Variants in CNBD1 observed in about 807,000 individuals in gnomAD.
CNBD1 encodes the protein cyclic nucleotide-binding domain-containing protein 1.
CNBD1 carries 71 observed loss-of-function variants against 54.4 expected under a neutral mutation model. The ratio of observed to expected loss-of-function variants is 1.30; its 90% CI spans 1.08 to 1.59. The LOEUF is 1.59. CNBD1 is among the 40% of genes most tolerant of loss of function. CNBD1 has a pLI of 0.00. For synonymous variants in CNBD1, 182 were observed against 170.7 expected (o/e 1.07, Z -0.51); for missense variants, 659 against 518.0 (o/e 1.27, Z -2.64).
chr8:87,202,129 T>C (rs146810365), intron 4 of CNBD1, among the ~76,000 whole-genome samples: 86 of 152,244 alleles, frequency 5.6e-4, no homozygotes, highest in African/African-American at 1.8e-3. Context: ...GAAGGAAAAT[T>C]TTCAGAAGGA....
rs768557448 is a variant in CNBD1 at position 86,919,020 on chromosome 8, CT to C, written c.272+13836del. Among the ~76,000 whole-genome samples the C allele has an allele frequency of 3.8e-4, 57 of 149,226 alleles. No individual in the cohort carries two copies. In the East Asian group the frequency reaches 3.9e-3, roughly 10 times the overall value. The stretch of plus-strand genomic sequence containing the variant: ...ATTTTCTGTTTCTGAAAATATCATG[CT>C]TTTTTTTTTAAAAAAAAAGAGAAAG... On this transcript the variant is annotated intron_variant, in intron 3 of 10. Transcript: ENST00000518476.
At chr8:87,030,864 C>CTCTCCTCCCCTCTCCTCCT (rs1809769210) in intron 4 of CNBD1, among the ~76,000 whole-genome samples, 2 of 114,586 alleles carry the variant, frequency 1.7e-5, no homozygotes, top group African/African-American at 6.8e-5. Flanking sequence ...CCTCTCCTCC[C>CTCTCCTCCCCTCTCCTCCT]TCTCCTCCCC....
At chr8:87,088,287 AC>A (rs1190853431) in intron 4 of CNBD1, among the ~76,000 whole-genome samples, 4 of 152,236 alleles carry the variant, frequency 2.6e-5, no homozygotes, top group Admixed American at 6.5e-5. Flanking sequence ...ACTCAATTGG[AC>A]CCTCTTGGCA....
intron 6 of CNBD1, among the ~76,000 whole-genome samples, chr8:87,255,373 T>C (rs1252315354): frequency 2.0e-5 from 3 of 152,102 alleles, no homozygotes; most frequent in Non-Finnish European, 2.9e-5. Context: ...TTACTGTTAA[T>C]AGCCTGATAA....
intron 4 of CNBD1, among the ~76,000 whole-genome samples, chr8:86,949,957 T>TG (rs1554633441): frequency 0.024 from 2,946 of 122,056 alleles, 490 homozygotes; most frequent in Non-Finnish European, 0.035. Context: ...CTTTTTTTTT[T>TG]TTTTTTTTTT....
At chr8:86,960,445 C>T (rs1807899393) in intron 4 of CNBD1, among the ~76,000 whole-genome samples, 1 of 152,098 alleles carries the variant, frequency 6.6e-6, no homozygotes, top group South Asian at 2.1e-4. Context: ...GAGGGGCGTC[C>T]ACTGTCACTG....
At chr8:87,095,816 C>T (rs1485706908) in intron 4 of CNBD1, among the ~76,000 whole-genome samples, 1 of 152,190 alleles carries the variant, frequency 6.6e-6, no homozygotes, top group Non-Finnish European at 1.5e-5. Context: ...CGCCACCACA[C>T]CTGGCTATTT....
chr8:86,974,000 A>G (rs114407457), intron 4 of CNBD1, among the ~76,000 whole-genome samples: 312 of 152,248 alleles, frequency 2.0e-3, no homozygotes, highest in African/African-American at 7.0e-3. Flanking sequence ...TAAAAATTTA[A>G]TCTTCTAGGA....
intron 3 of CNBD1, among the ~76,000 whole-genome samples, chr8:86,905,615 G>C (rs1809005919): frequency 6.6e-6 from 1 of 152,052 alleles, no homozygotes. Flanking sequence ...CATTTGTGAA[G>C]CCTTTTTTAC....
chr8:87,363,993 A>G (rs1054935667), intron 10 of CNBD1, among the ~76,000 whole-genome samples: 6 of 151,490 alleles, frequency 4.0e-5, no homozygotes, highest in African/African-American at 1.5e-4. Context: ...AACGAATGAA[A>G]AAGTTTTAGA....
chr8:87,292,127 T>C (rs868765981), intron 8 of CNBD1, among the ~76,000 whole-genome samples: 3 of 152,228 alleles, frequency 2.0e-5, no homozygotes, highest in Admixed American at 6.5e-5. Flanking sequence ...TATTAATACA[T>C]TTATTGATAA....
chr8:86,930,998 C>T (rs1410261110), intron 3 of CNBD1, among the ~76,000 whole-genome samples: 1 of 152,148 alleles, frequency 6.6e-6, no homozygotes, highest in African/African-American at 2.4e-5. Context: ...TAGGGGACAA[C>T]AAATGGGTAA....
At chr8:87,424,937 C>T (rs1376702148) in intron 2 of CNBD1, among the ~76,000 whole-genome samples, 1 of 152,072 alleles carries the variant, frequency 6.6e-6, no homozygotes, top group African/African-American at 2.4e-5. Flanking sequence ...GTTCCATTCT[C>T]CCCATGACTT....
At chr8:87,076,268 A>G (rs968646139) in intron 4 of CNBD1, among the ~76,000 whole-genome samples, 2 of 152,178 alleles carry the variant, frequency 1.3e-5, no homozygotes, top group Non-Finnish European at 2.9e-5. Flanking sequence ...TTGATACCAT[A>G]ATGGTAATCA....
intron 3 of CNBD1, among the ~76,000 whole-genome samples, chr8:86,913,093 C>T (rs1157499839): frequency 6.6e-6 from 1 of 151,982 alleles, no homozygotes; most frequent in Non-Finnish European, 1.5e-5. Context: ...AATGAAAAAT[C>T]TTATAAAGTC....
intron 5 of CNBD1, among the ~76,000 whole-genome samples, chr8:87,222,013 AG>A (rs1359445781): frequency 6.6e-6 from 1 of 152,108 alleles, no homozygotes; most frequent in African/African-American, 2.4e-5. Flanking sequence ...ATATAATAAA[AG>A]CTATGAAAAG....
At chr8:87,177,575 TC>T (rs2130774471) in intron 4 of CNBD1, among the ~76,000 whole-genome samples, 1 of 152,318 alleles carries the variant, frequency 6.6e-6, no homozygotes, top group Non-Finnish European at 1.5e-5. Flanking sequence ...TCTTTTATTT[TC>T]CTAAAACCAC....
At chr8:87,026,317 C>G (rs2130585403) in intron 4 of CNBD1, among the ~76,000 whole-genome samples, 1 of 151,590 alleles carries the variant, frequency 6.6e-6, no homozygotes, top group Non-Finnish European at 1.5e-5. Flanking sequence ...CTCCCTGCTC[C>G]TTTCTTCCTT....
intron 10 of CNBD1, among the ~76,000 whole-genome samples, chr8:87,380,916 T>A (rs915429803): frequency 1.3e-5 from 2 of 152,038 alleles, no homozygotes; most frequent in Non-Finnish European, 2.9e-5. Context: ...AAGACACAAA[T>A]GCAAGAATTG....
Sources: allele counts gnomAD v4.1 joint callset (sites outside exome capture counted in the v4.1 genomes callset), GRCh38; gene constraint gnomAD v4.1.1; transcripts MANE v1.5; gene names NCBI Gene and HGNC (gene_info 2026-07-23, HGNC 2026-07-21).